MORN1: variants seen among roughly 807,000 people sequenced by gnomAD.
MORN1 encodes MORN repeat containing 1.
MORN1 carries 67 observed loss-of-function variants against 61.9 expected under a neutral mutation model. The ratio of observed to expected loss-of-function variants is 1.08; its 90% CI spans 0.89 to 1.33. MORN1 has a LOEUF of 1.33. MORN1 is among the 40% of genes most tolerant of loss of function. The pLI, the probability that MORN1 is intolerant of heterozygous loss-of-function variation, is 0.00. For synonymous variants in MORN1, 301 were observed against 292.0 expected (o/e 1.03, Z -0.31); for missense variants, 752 against 691.2 (o/e 1.09, Z -0.99).
In MORN1 at chr1:2,372,115, C is replaced by G. The variant is rs943742048; in HGVS notation, c.745+366G>C. 1.7e-5 allele frequency: 4 copies of G among 237,516 alleles called. No homozygotes were observed. Among genetic ancestry groups the G allele is most frequent in the African/African-American group, 9.1e-5 (4 of 44,094 alleles). 14.7% of individuals were successfully genotyped at this position (237,516 alleles called of 1,614,324 possible). A position where few individuals can be genotyped will look rare whatever the true frequency, so the allele number is the denominator to read the frequency against. Reference sequence around the variant, plus strand: ...TGGGGAAGCAGAAAGTAGCCCCTCACTAGAATGGAAGACTGTTCCTCCTAA... The same window carrying G: ...TGGGGAAGCAGAAAGTAGCCCCTCAGTAGAATGGAAGACTGTTCCTCCTAA... On this transcript the variant is annotated intron_variant, in intron 8 of 13. Transcript: ENST00000378531. The surrounding 1 kb of genome is among the most constrained non-coding windows in gnomAD (Gnocchi z 5.4).
intron 13 of MORN1, chr1:2,322,027 T>C: frequency 1.0e-6 from 1 of 985,264 alleles, no homozygotes; most frequent in Middle Eastern, 5.2e-4. Flanking sequence ...TAACGAACCC[T>C]CTGAAGGCTG....
intron 6 of MORN1, among the ~76,000 whole-genome samples, chr1:2,380,816 A>C (rs1642354583): frequency 6.6e-6 from 1 of 152,166 alleles, no homozygotes; most frequent in Admixed American, 6.6e-5. Context: ...TCGGCCTCCC[A>C]AAGTGCTGAG....
intron 10 of MORN1, among the ~76,000 whole-genome samples, chr1:2,344,610 C>A (rs998471148): frequency 3.9e-5 from 6 of 152,216 alleles, no homozygotes; most frequent in African/African-American, 1.4e-4. Flanking sequence ...CCCTGCTGGC[C>A]TCTCAGGGCA....
At chr1:2,354,042 T>G (rs1473734426) in intron 10 of MORN1, among the ~76,000 whole-genome samples, 3 of 150,682 alleles carry the variant, frequency 2.0e-5, no homozygotes, top group Non-Finnish European at 4.4e-5. Context: ...CCCAGCACTT[T>G]GAGGGGCCAA....
At chr1:2,375,371 G>A (rs1239493939) in intron 6 of MORN1, 3 of 152,242 alleles carry the variant, frequency 2.0e-5, no homozygotes, top group Non-Finnish European at 4.4e-5. Context: ...TGCCTTCTGG[G>A]GCTTCTCCAC....
Position 2,372,518 on chromosome 1 carries a change from G to T in MORN1, c.708C>A (p.Asn236Lys), listed in dbSNP as rs753484372. 12 of 1,613,774 alleles carry T rather than the reference G, an allele frequency of 7.4e-6. No individual in the cohort carries two copies. Among genetic ancestry groups the T allele is most frequent in the Non-Finnish European group, 1.0e-5 (12 of 1,179,964 alleles). ...CCCCGTGGTCCTGCAGCAGCTGAAC[G>T]TTCACCGAGAAGGGAGACCCTTGGG... ...EVAQGSPFSV[N>K]VQLLQDHGEI... is the part of the protein sequence containing the mutation. The change falls in exon 8 of 14, where the codon AAC (asparagine) becomes AAA (lysine). Residue 236 changes from asparagine to lysine, a missense_variant. By Grantham distance (94) the Asn-to-Lys change is moderately conservative (BLOSUM62 0). Transcript: ENST00000378531. This position sits in a 1 kb window ranked among gnomAD's most constrained non-coding sequence, Gnocchi z 5.4.
chr1:2,356,715 A>T (rs1271829730), intron 10 of MORN1, among the ~76,000 whole-genome samples: 1 of 152,212 alleles, frequency 6.6e-6, no homozygotes, highest in Non-Finnish European at 1.5e-5. Context: ...ACTGAGACGC[A>T]CACTGTGCTG....
chr1:2,369,355 G>GAAAAAAAAAAAAAAAAAAAA, intron 8 of MORN1, among the ~76,000 whole-genome samples: 1 of 80,654 alleles, frequency 1.2e-5, no homozygotes, highest in Non-Finnish European at 2.2e-5. Flanking sequence ...CTCAGTCTCA[G>GAAAAAAAAAAAAAAAAAAAA]AAAAAAAAAA....
intron 8 of MORN1, among the ~76,000 whole-genome samples, chr1:2,363,805 C>CA (rs1553217338): frequency 1.6e-5 from 2 of 124,856 alleles, no homozygotes; most frequent in Admixed American, 8.2e-5. Context: ...AACAAACAAA[C>CA]AAAAAAATAT....
intron 1 of MORN1, 43 bp downstream of exon 1, chr1:2,391,415 C>T: frequency 8.0e-7 from 1 of 1,254,272 alleles, no homozygotes; most frequent in African/African-American, 1.5e-5. Context: ...CTGAATGGAG[C>T]CCAGGGCAGC....
At chr1:2,336,578 A>C (rs1300082878) in intron 11 of MORN1, 30 bp from the exon 12 acceptor site, 1 of 1,611,266 alleles carries the variant, frequency 6.2e-7, no homozygotes, top group Non-Finnish European at 8.5e-7. Context: ...GGAGGGGAGA[A>C]GGAAAGGCTC....
rs567026829 is a variant in MORN1, at chr1:2,322,771, G to A, written c.1298-1192C>T. 2.2e-4 allele frequency: 221 copies of A among 985,464 alleles called. No homozygotes were observed. In the African/African-American group the frequency reaches 3.7e-3, roughly 16 times the overall value. The allele number at this position is 985,464 out of a possible 1,614,324, so 61.0% of individuals were successfully genotyped here. On this transcript the variant is annotated intron_variant, in intron 13 of 13. Coordinates refer to ENST00000378531, the MANE Select transcript of MORN1 (RefSeq NM_024848.3). ...AGTGGTGGCCAAGGCGCTGGCCGGG[G>A]GGCCGAGAGCTCAGTGGGCAGTGGC...
intron 13 of MORN1, chr1:2,322,460 G>C (rs1446942781): frequency 1.0e-6 from 1 of 985,260 alleles, no homozygotes; most frequent in Non-Finnish European, 1.2e-6. Flanking sequence ...TCCTCGGCCA[G>C]GCCACGGGCT....
chr1:2,364,729 A>G (rs1218802015), intron 8 of MORN1, among the ~76,000 whole-genome samples: 4 of 151,836 alleles, frequency 2.6e-5, no homozygotes, highest in African/African-American at 9.7e-5. Flanking sequence ...TCTTGAATTA[A>G]TTTTTGTATA....
At chr1:2,325,411 A>C (rs1192845046) in intron 12 of MORN1, among the ~76,000 whole-genome samples, 1 of 150,498 alleles carries the variant, frequency 6.6e-6, no homozygotes, top group Non-Finnish European at 1.5e-5. Context: ...GGGCTCGAGC[A>C]AGCAATCCCC....
intron 5 of MORN1, 187 bp from the exon 6 acceptor site, chr1:2,385,252 ACACGTCCGCC>A: frequency 1.6e-6 from 1 of 611,654 alleles, no homozygotes; most frequent in East Asian, 2.8e-5. Flanking sequence ...GGCGGTGGGG[ACACGTCCGCC>A]CACCCCCACC....
intron 5 of MORN1, 150 bp from the exon 6 acceptor site, chr1:2,385,215 G>A (rs563515268): frequency 2.4e-5 from 18 of 747,418 alleles, no homozygotes; most frequent in South Asian, 5.5e-5. Context: ...CTCCTGCCTC[G>A]CCAGGGCCAG....
intron 8 of MORN1, among the ~76,000 whole-genome samples, chr1:2,364,515 G>C (rs1474234036): frequency 6.8e-6 from 1 of 146,126 alleles, no homozygotes; most frequent in Non-Finnish European, 1.5e-5. Context: ...TGGGTTGCCT[G>C]TTCACTCTGA....
At chr1:2,333,071 C>A (rs1014877551) in intron 12 of MORN1, among the ~76,000 whole-genome samples, 1 of 152,248 alleles carries the variant, frequency 6.6e-6, no homozygotes, top group Non-Finnish European at 1.5e-5. Flanking sequence ...AAGCTGGCAT[C>A]GTTGGGGTCC....
Sources: gnomAD v4.1 joint callset for allele counts (sites outside exome capture counted in the v4.1 genomes callset) on GRCh38, gnomAD v4.1.1 for gene constraint, Gnocchi (gnomAD v3.1) non-coding constraint, MANE v1.5 for transcripts, NCBI Gene and HGNC (gene_info 2026-07-23, HGNC 2026-07-21) for gene names.